Variants in EYA3 observed in about 807,000 individuals in gnomAD.
EYA3 encodes the protein protein phosphatase EYA3.
In EYA3, 39 loss-of-function variants were observed where a neutral mutation model predicts 80.0. The observed-to-expected ratio is 0.49, with a 90% CI of 0.38 to 0.64. The LOEUF (loss-of-function observed/expected upper bound fraction) is 0.64, where lower values mean the gene tolerates loss of function less well. EYA3 is among the 30% of genes least tolerant of loss of function. The probability of loss-of-function intolerance (pLI) is 0.00; values close to 1 mark genes in which losing one functional copy is unlikely to be tolerated. For synonymous variants in EYA3, 206 were observed against 232.8 expected (o/e 0.88, Z 1.05); for missense variants, 523 against 676.1 (o/e 0.77, Z 2.51).
At chr1:28,002,018 C>A (rs1264350540) in intron 11 of EYA3, among the ~76,000 whole-genome samples, 1 of 151,896 alleles carries the variant, frequency 6.6e-6, no homozygotes, top group African/African-American at 2.4e-5. Flanking sequence ...CAGGTTCAAG[C>A]GATTCTCCTG....
In EYA3 at chr1:28,063,306, T is replaced by TA. The variant is rs1553155679; in HGVS notation, c.-68-5213_-68-5212insT. Reference sequence around the variant, plus strand: ...CCAAAGTGCCTTATATATATATATATTTTTTTTTATTTTTAATTTTTTTTG... The same window carrying TA: ...CCAAAGTGCCTTATATATATATATATATTTTTTTTATTTTTAATTTTTTTTG... On this transcript the variant is annotated intron_variant, in intron 1 of 17. Coordinates refer to ENST00000373871, the MANE Select transcript of EYA3 (RefSeq NM_001990.4). Among the ~76,000 whole-genome samples the TA allele has an allele frequency of 1.1e-3, 80 of 70,292 alleles. No individual in the cohort carries two copies. The East Asian group carries it at 0.012, about 11-fold the overall frequency. The allele number at this position is 70,292 out of a possible 152,430, so 46.1% of individuals were successfully genotyped here.
intron 1 of EYA3, among the ~76,000 whole-genome samples, chr1:28,070,896 A>C (rs180851446): frequency 1.8e-4 from 27 of 152,238 alleles, no homozygotes; most frequent in African/African-American, 6.5e-4. Context: ...GCAAGACAGC[A>C]CTTAAAGTCT....
At chr1:28,003,724 T>C (rs972984634) in intron 11 of EYA3, among the ~76,000 whole-genome samples, 3 of 152,130 alleles carry the variant, frequency 2.0e-5, no homozygotes, top group Non-Finnish European at 2.9e-5. Flanking sequence ...CAGATATTTG[T>C]ATAAAATTTA....
At chr1:28,051,163 C>T (rs976343409) in intron 2 of EYA3, among the ~76,000 whole-genome samples, 2 of 152,178 alleles carry the variant, frequency 1.3e-5, no homozygotes, top group East Asian at 1.9e-4. Flanking sequence ...GAAAAAGCTC[C>T]GTTAGGGTTA....
At chr1:27,983,350 TTCA>T (rs1639439350) in intron 16 of EYA3, among the ~76,000 whole-genome samples, 1 of 152,228 alleles carries the variant, frequency 6.6e-6, no homozygotes, top group African/African-American at 2.4e-5. Context: ...CACCTCAAAC[TTCA>T]TTAGACATTA....
rs896213438 is a variant in EYA3, at chr1:28,013,037, T to C, written c.769+74A>G. On this transcript the variant is annotated intron_variant, in intron 9 of 17. Transcript: ENST00000373871. The surrounding 1 kb of genome is among the most constrained non-coding windows in gnomAD (Gnocchi z 4.0). ...AATGACTTAAGACAGAACAAAATCA[T>C]CCTTACCATTGCCTAAAAACAACTG... is the stretch of plus-strand genomic sequence containing the variant. 2 of 1,468,202 alleles carry C rather than the reference T, an allele frequency of 1.4e-6. No homozygotes were observed. The highest frequency in any genetic ancestry group is 2.8e-5 in the African/African-American group (2 of 71,342). The allele number at this position is 1,468,202 out of a possible 1,614,324, so 90.9% of individuals were successfully genotyped here.
At chr1:27,974,723 T>G (rs769139078) in intron 17 of EYA3, among the ~76,000 whole-genome samples, 177 bp from the exon 18 acceptor site, 3 of 152,246 alleles carry the variant, frequency 2.0e-5, no homozygotes, top group Non-Finnish European at 4.4e-5. Flanking sequence ...ACCTTGTACA[T>G]TGCACACTTT....
At chr1:28,007,187 G>A (rs1472245387) in intron 10 of EYA3, among the ~76,000 whole-genome samples, 4 of 151,844 alleles carry the variant, frequency 2.6e-5, no homozygotes, top group African/African-American at 9.7e-5. Flanking sequence ...CTGACCTCAG[G>A]TGATCTGCCC....
rs376621320 is a variant in EYA3 at position 28,077,558 on chromosome 1, C to T, written c.-69+10966G>A. Among the ~76,000 whole-genome samples, 9 of 152,200 alleles carry T rather than the reference C, an allele frequency of 5.9e-5. No individual in the cohort carries two copies. In the East Asian group the frequency reaches 7.7e-4, roughly 13 times the overall value. ...TGGTTCTTCTATATTTCTTCCAACA[C>T]TCCTTGGATCTCTCTCCAATTTTAG... On this transcript the variant is annotated intron_variant, in intron 1 of 17. Coordinates refer to ENST00000373871, the MANE Select transcript of EYA3 (RefSeq NM_001990.4).
At chr1:28,001,226 T>A (rs1389145191) in intron 11 of EYA3, among the ~76,000 whole-genome samples, 2 of 148,470 alleles carry the variant, frequency 1.3e-5, no homozygotes, top group Non-Finnish European at 3.0e-5. Flanking sequence ...TATTACATTA[T>A]TTTAATATAT....
intron 16 of EYA3, among the ~76,000 whole-genome samples, chr1:27,981,670 C>T (rs1391602459): frequency 2.0e-5 from 3 of 150,420 alleles, no homozygotes; most frequent in South Asian, 4.2e-4. Flanking sequence ...CCAAGCTACT[C>T]GAAAAGCTGA....
chr1:28,045,320 T>C (rs2148869968), intron 3 of EYA3, among the ~76,000 whole-genome samples: 1 of 152,280 alleles, frequency 6.6e-6, no homozygotes, highest in South Asian at 2.1e-4. Context: ...AAAATAGACT[T>C]CTGGACCCCA....
At chr1:28,070,074 T>C (rs544148906) in intron 1 of EYA3, among the ~76,000 whole-genome samples, 1 of 152,292 alleles carries the variant, frequency 6.6e-6, no homozygotes, top group South Asian at 2.1e-4. Context: ...AAAGAATAAA[T>C]TTCTGTTGTT....
intron 1 of EYA3, among the ~76,000 whole-genome samples, chr1:28,079,537 G>T (rs907471842): frequency 2.0e-5 from 3 of 152,124 alleles, no homozygotes; most frequent in African/African-American, 7.2e-5. Context: ...CTAAACTTTG[G>T]ACTGTTAGAT....
At chr1:27,988,755 T>C in intron 15 of EYA3, 99 bp from the exon 16 acceptor site, 1 of 1,412,852 alleles carries the variant, frequency 7.1e-7, no homozygotes, top group Admixed American at 2.3e-5. Flanking sequence ...TATTAAAAAT[T>C]AACTTTAAAG....
chr1:28,009,657 C>T lies in EYA3; in HGVS notation c.909+1290G>A, dbSNP rs1307108380. On this transcript the variant is annotated intron_variant, in intron 10 of 17. Coordinates refer to ENST00000373871, the MANE Select transcript of EYA3 (RefSeq NM_001990.4). The surrounding 1 kb of genome is among the most constrained non-coding windows in gnomAD (Gnocchi z 4.8). ...CATCTCAAAACAACAACAACAACAA[C>T]AACAACAACAAAAAACCATTATGGT... 6.6e-6 allele frequency among the ~76,000 whole-genome samples: 1 copy of T among 152,008 alleles called. No homozygotes were observed. The highest frequency in any genetic ancestry group is 1.5e-5 in the Non-Finnish European group (1 of 67,994).
chr1:28,035,956 A>G (rs1643429990), intron 5 of EYA3, among the ~76,000 whole-genome samples: 1 of 152,116 alleles, frequency 6.6e-6, no homozygotes, highest in Non-Finnish European at 1.5e-5. Flanking sequence ...CTGGGATTAC[A>G]GGCACCCACC....
chr1:27,984,832 C>T (rs1017103678), intron 16 of EYA3, among the ~76,000 whole-genome samples: 1 of 152,146 alleles, frequency 6.6e-6, no homozygotes, highest in African/African-American at 2.4e-5. Context: ...CCTCTCCAAA[C>T]AAACCTCCTC....
At chr1:28,015,868 G>A (rs554406950) in intron 8 of EYA3, among the ~76,000 whole-genome samples, 25 of 152,184 alleles carry the variant, frequency 1.6e-4, no homozygotes, top group African/African-American at 4.3e-4. Context: ...TCACTAATAA[G>A]AATTAAGAAG....
Sources: allele counts gnomAD v4.1 joint callset (sites outside exome capture counted in the v4.1 genomes callset), GRCh38; gene constraint gnomAD v4.1.1; non-coding constraint Gnocchi (gnomAD v3.1); transcripts MANE v1.5; gene names NCBI Gene and HGNC (gene_info 2026-07-23, HGNC 2026-07-21).